ADAM12: variants seen among roughly 807,000 people sequenced by gnomAD.
ADAM12 encodes the protein ADAM metallopeptidase domain 12, also known as disintegrin and metalloproteinase domain-containing protein 12.
ADAM12 carries 70 observed loss-of-function variants against 106.4 expected under a neutral mutation model. That is an observed-to-expected ratio of 0.66 (90% CI 0.54 to 0.80). The LOEUF is 0.80. ADAM12 is among the 30% of genes least tolerant of loss of function. The probability of loss-of-function intolerance (pLI) is 0.00; values close to 1 mark genes in which losing one functional copy is unlikely to be tolerated. For missense variants in ADAM12, 1,010 were observed against 1,171.9 expected (o/e 0.86, Z 2.02); for synonymous variants, 420 against 433.5 (o/e 0.97, Z 0.39).
intron 14 of ADAM12, among the ~76,000 whole-genome samples, chr10:126,056,900 C>T (rs1349426650): frequency 3.8e-5 from 1 of 26,540 alleles, no homozygotes; most frequent in Non-Finnish European, 8.0e-5. Context: ...TGAATAGTGC[C>T]GCAATAAACA....
chr10:126,100,360 T>C (rs1955638964), intron 9 of ADAM12, among the ~76,000 whole-genome samples: 1 of 152,258 alleles, frequency 6.6e-6, no homozygotes, highest in East Asian at 1.9e-4. Flanking sequence ...GTACTGTCCT[T>C]AGATATTGTA....
At chr10:126,371,740 T>G (rs1223249770) in intron 1 of ADAM12, among the ~76,000 whole-genome samples, 1 of 152,228 alleles carries the variant, frequency 6.6e-6, no homozygotes, top group South Asian at 2.1e-4. Context: ...TTCTTATTCA[T>G]GCCAACCCAA....
intron 11 of ADAM12, among the ~76,000 whole-genome samples, chr10:126,078,651 C>T (rs939302259): frequency 2.0e-5 from 3 of 152,086 alleles, no homozygotes; most frequent in Admixed American, 6.6e-5. Context: ...GGAGTACCTG[C>T]TTTTAGCTAG....
intron 12 of ADAM12, among the ~76,000 whole-genome samples, chr10:126,067,596 T>C (rs1954898129): frequency 6.6e-6 from 1 of 152,370 alleles, no homozygotes; most frequent in African/African-American, 2.4e-5. Context: ...TTGACATTTT[T>C]CGCTCAGTTC....
chr10:126,197,392 G>A (rs1957616737), intron 3 of ADAM12, among the ~76,000 whole-genome samples: 1 of 152,202 alleles, frequency 6.6e-6, no homozygotes, highest in Non-Finnish European at 1.5e-5. Context: ...TGAGCGGAAG[G>A]GAGGCAAGTT....
At chr10:126,097,152 T>G (rs1288259270) in intron 10 of ADAM12, among the ~76,000 whole-genome samples, 1 of 152,218 alleles carries the variant, frequency 6.6e-6, no homozygotes, top group Non-Finnish European at 1.5e-5. Context: ...CAGTAGCAAC[T>G]GACCATGGAA....
At chr10:126,107,921 T>A (rs938776085) in intron 8 of ADAM12, among the ~76,000 whole-genome samples, 8 of 152,136 alleles carry the variant, frequency 5.3e-5, no homozygotes, top group Non-Finnish European at 1.0e-4. Context: ...GACAGGTGGT[T>A]TAGACAGAGA....
At chr10:126,305,462 G>C (rs1960803787) in intron 2 of ADAM12, among the ~76,000 whole-genome samples, 1 of 152,060 alleles carries the variant, frequency 6.6e-6, no homozygotes, top group Non-Finnish European at 1.5e-5. Flanking sequence ...TGAAGCCAGA[G>C]TTGATAAGAA....
chr10:126,386,228 A>T (rs1360836651), intron 1 of ADAM12, among the ~76,000 whole-genome samples: 1 of 151,984 alleles, frequency 6.6e-6, no homozygotes, highest in Non-Finnish European at 1.5e-5. Flanking sequence ...TCTGTTTTGG[A>T]CTTGTTAGGC....
chr10:126,351,319 G>A (rs1855350053), intron 1 of ADAM12, among the ~76,000 whole-genome samples: 1 of 152,068 alleles, frequency 6.6e-6, no homozygotes, highest in South Asian at 2.1e-4. Context: ...TCCTCTGCCA[G>A]CCCTATCCAA....
chr10:126,352,607 T>C (rs1169440488), intron 1 of ADAM12, among the ~76,000 whole-genome samples: 1 of 152,216 alleles, frequency 6.6e-6, no homozygotes, highest in Non-Finnish European at 1.5e-5. Context: ...AATTACTTAA[T>C]GGCTGTCTTG....
At chr10:126,091,183 C>G (rs1955457492) in intron 11 of ADAM12, among the ~76,000 whole-genome samples, 1 of 152,156 alleles carries the variant, frequency 6.6e-6, no homozygotes, top group Admixed American at 6.5e-5. Flanking sequence ...TTCCAAAACC[C>G]CTGTAAGCTA....
chr10:126,242,217 C>T (rs1287074467), intron 3 of ADAM12, among the ~76,000 whole-genome samples: 1 of 152,176 alleles, frequency 6.6e-6, no homozygotes, highest in Non-Finnish European at 1.5e-5. Flanking sequence ...GATCCTAACA[C>T]TTTAGTTTTA....
intron 3 of ADAM12, among the ~76,000 whole-genome samples, chr10:126,191,948 T>C (rs1173562304): frequency 6.6e-6 from 1 of 152,110 alleles, no homozygotes; most frequent in Non-Finnish European, 1.5e-5. Context: ...CAGGCACGTC[T>C]TACATGGCTG....
chr10:126,071,020 C>T (rs1032849075), intron 12 of ADAM12, among the ~76,000 whole-genome samples: 8 of 152,262 alleles, frequency 5.3e-5, no homozygotes, highest in African/African-American at 9.6e-5. Flanking sequence ...CATACAGAGG[C>T]GTCTGCAGCA....
At chr10:126,374,879 A>T (rs1418482434) in intron 1 of ADAM12, among the ~76,000 whole-genome samples, 1 of 152,138 alleles carries the variant, frequency 6.6e-6, no homozygotes, top group Non-Finnish European at 1.5e-5. Flanking sequence ...AAAACCATAT[A>T]AAAACACACG....
chr10:126,023,908 G>GAAA (rs5788761), intron 21 of ADAM12, among the ~76,000 whole-genome samples: 2,946 of 140,752 alleles, frequency 0.021, 104 homozygotes, highest in African/African-American at 0.07. Context: ...TGAACTCATG[G>GAAA]AAAAAAAAAA....
At chr10:126,270,468 T>C (rs1369818916) in intron 3 of ADAM12, among the ~76,000 whole-genome samples, 7 of 152,246 alleles carry the variant, frequency 4.6e-5, no homozygotes, top group South Asian at 2.1e-4. Flanking sequence ...CACACGTGGC[T>C]ATTGAATACT....
intron 3 of ADAM12, among the ~76,000 whole-genome samples, chr10:126,166,354 T>C (rs1273883067): frequency 6.6e-6 from 1 of 152,218 alleles, no homozygotes; most frequent in Non-Finnish European, 1.5e-5. Flanking sequence ...TGGAAACTGA[T>C]GGGTTTCCAC....
Sources: allele counts gnomAD v4.1 joint callset (sites outside exome capture counted in the v4.1 genomes callset), GRCh38; gene constraint gnomAD v4.1.1; transcripts MANE v1.5; gene names NCBI Gene and HGNC (gene_info 2026-07-23, HGNC 2026-07-21).